Variants in SLC14A2 observed in about 807,000 individuals in gnomAD.
SLC14A2 encodes the protein urea transporter 2.
SLC14A2 carries 91 observed loss-of-function variants against 104.6 expected under a neutral mutation model. The ratio of observed to expected loss-of-function variants is 0.87; its 90% CI spans 0.73 to 1.04. The LOEUF is 1.04. SLC14A2 is among the 50% of genes least tolerant of loss of function. SLC14A2 has a pLI of 0.00. For synonymous variants in SLC14A2, 476 were observed against 466.4 expected (o/e 1.02, Z -0.27); for missense variants, 1,189 against 1,156.0 (o/e 1.03, Z -0.41).
chr18:45,349,406 T>C (rs1042532347), intron 1 of SLC14A2, among the ~76,000 whole-genome samples: 1 of 152,204 alleles, frequency 6.6e-6, no homozygotes, highest in Non-Finnish European at 1.5e-5. Flanking sequence ...TAGATACTGT[T>C]GTTTTAATAA....
At chr18:45,274,838 C>A (rs374036293) in intron 1 of SLC14A2, among the ~76,000 whole-genome samples, 4 of 152,232 alleles carry the variant, frequency 2.6e-5, no homozygotes, top group East Asian at 3.8e-4. Flanking sequence ...ACATCCAAGT[C>A]TCCCTAGAGA....
chr18:45,437,069 C>T (rs2086607902), intron 1 of SLC14A2, among the ~76,000 whole-genome samples: 1 of 152,230 alleles, frequency 6.6e-6, no homozygotes, highest in South Asian at 2.1e-4. Context: ...CACCCCACTT[C>T]CCACACACAC....
chr18:45,372,501 G>A (rs2085733868), intron 1 of SLC14A2, among the ~76,000 whole-genome samples: 1 of 152,166 alleles, frequency 6.6e-6, no homozygotes, highest in Non-Finnish European at 1.5e-5. Flanking sequence ...TACTGCCAGA[G>A]CTGGCATTGT....
intron 1 of SLC14A2, among the ~76,000 whole-genome samples, chr18:45,331,962 T>C: frequency 6.6e-6 from 1 of 152,158 alleles, no homozygotes; most frequent in East Asian, 1.9e-4. Flanking sequence ...GCAGGTGGGG[T>C]TAACAATGAG....
chr18:45,383,478 GT>G (rs777843613), intron 1 of SLC14A2, among the ~76,000 whole-genome samples: 2 of 152,158 alleles, frequency 1.3e-5, no homozygotes, highest in African/African-American at 4.8e-5. Flanking sequence ...CCCAGAGGCT[GT>G]TTAGATGGTC....
chr18:45,304,524 G>A (rs1488941976), intron 1 of SLC14A2, among the ~76,000 whole-genome samples: 2 of 152,214 alleles, frequency 1.3e-5, no homozygotes, highest in Non-Finnish European at 2.9e-5. Flanking sequence ...AAGTTCTAAG[G>A]CCCTTCAGAC....
chr18:45,614,219 T>A (rs1599066669), upstream of SLC14A2, among the ~76,000 whole-genome samples: 1 of 152,170 alleles, frequency 6.6e-6, no homozygotes, highest in African/African-American at 2.4e-5. Flanking sequence ...AGCCTGCAGG[T>A]GCACAGAAGT....
chr18:45,300,181 A>T (rs1008898971), intron 1 of SLC14A2, among the ~76,000 whole-genome samples: 1 of 152,156 alleles, frequency 6.6e-6, no homozygotes, highest in Non-Finnish European at 1.5e-5. Flanking sequence ...TCTTCATCAC[A>T]GTTATCCTTC....
chr18:45,310,797 C>G (rs1426350327), intron 1 of SLC14A2, among the ~76,000 whole-genome samples: 1 of 152,142 alleles, frequency 6.6e-6, no homozygotes, highest in Non-Finnish European at 1.5e-5. Flanking sequence ...CAAAGCAGGT[C>G]ATTGACTGTA....
intron 1 of SLC14A2, among the ~76,000 whole-genome samples, chr18:45,381,288 G>T (rs2085831869): frequency 6.6e-6 from 1 of 152,174 alleles, no homozygotes; most frequent in African/African-American, 2.4e-5. Flanking sequence ...CTTATATTTG[G>T]TTAATAAATA....
At chr18:45,181,704 A>G in the SLC14A2 span, among the ~76,000 whole-genome samples, 1 of 152,224 alleles carries the variant, frequency 6.6e-6, no homozygotes, top group African/African-American at 2.4e-5. Context: ...TAATTGATAA[A>G]TGATGTCTTC....
intron 2 of SLC14A2, among the ~76,000 whole-genome samples, chr18:45,503,226 C>T (rs1051979867): frequency 3.2e-4 from 48 of 152,048 alleles, no homozygotes; most frequent in African/African-American, 1.1e-3. Flanking sequence ...TATTAGGGCC[C>T]TTGTCTAAGC....
At chr18:45,527,952 G>C (rs1172422893) in intron 2 of SLC14A2, 25 of 152,174 alleles carry the variant, frequency 1.6e-4, no homozygotes, top group Non-Finnish European at 3.7e-4. Flanking sequence ...GCATCGTCCT[G>C]TAATCAAGGG....
chr18:45,371,057 G>A (rs1234789021), intron 1 of SLC14A2, among the ~76,000 whole-genome samples: 1 of 152,108 alleles, frequency 6.6e-6, no homozygotes, highest in Non-Finnish European at 1.5e-5. Context: ...GTACCCCAAG[G>A]CAAAACAAAG....
intron 1 of SLC14A2, among the ~76,000 whole-genome samples, chr18:45,444,681 C>T (rs887693303): frequency 6.6e-6 from 1 of 152,202 alleles, no homozygotes; most frequent in East Asian, 1.9e-4. Flanking sequence ...GGTGAGCCAG[C>T]TTTCTCTATT....
At chr18:45,363,990 T>C (rs374042325) in intron 1 of SLC14A2, among the ~76,000 whole-genome samples, 1 of 152,186 alleles carries the variant, frequency 6.6e-6, no homozygotes. Context: ...CTCAATTGCT[T>C]TGCCAAAAGA....
intron 1 of SLC14A2, among the ~76,000 whole-genome samples, chr18:45,321,299 A>T (rs75609966): frequency 0.032 from 4,806 of 152,302 alleles, 101 homozygotes; most frequent in African/African-American, 0.058. Context: ...GGACCATATG[A>T]TCTCAGAACT....
intron 1 of SLC14A2, among the ~76,000 whole-genome samples, chr18:45,362,363 C>T (rs1301641474): frequency 1.3e-5 from 2 of 152,216 alleles, no homozygotes; most frequent in African/African-American, 2.4e-5. Context: ...GCCAGTTGAT[C>T]TCCTCCACTG....
At chr18:45,448,427 T>C (rs1450448142) in intron 1 of SLC14A2, among the ~76,000 whole-genome samples, 1 of 152,188 alleles carries the variant, frequency 6.6e-6, no homozygotes, top group Non-Finnish European at 1.5e-5. Flanking sequence ...AAACCAGAAA[T>C]TAGCATGGAC....
Sources: gnomAD v4.1 joint callset for allele counts (sites outside exome capture counted in the v4.1 genomes callset) on GRCh38, gnomAD v4.1.1 for gene constraint, MANE v1.5 for transcripts, NCBI Gene and HGNC (gene_info 2026-07-23, HGNC 2026-07-21) for gene names.